Variants in DENND5A observed in about 807,000 individuals in gnomAD.
DENND5A encodes DENN domain-containing protein 5A.
A neutral mutation model predicts 140.3 loss-of-function variants in DENND5A; 64 were observed. That is an observed-to-expected ratio of 0.46 (90% CI 0.37 to 0.56). The LOEUF is 0.56. Among genes scored for constraint, DENND5A ranks in the 20% least tolerant of loss-of-function variants. The probability of loss-of-function intolerance (pLI) is 0.00; values close to 1 mark genes in which losing one functional copy is unlikely to be tolerated. For missense variants in DENND5A, 1,292 were observed against 1,593.8 expected, an observed-to-expected ratio of 0.81 and a Z score of 3.22; for synonymous variants, 605 against 607.7, an observed-to-expected ratio of 1.00 and a Z score of 0.07.
intron 16 of DENND5A, 143 bp from the exon 17 acceptor site, chr11:9,145,958 C>A: frequency 1.2e-6 from 1 of 861,228 alleles, no homozygotes; most frequent in Admixed American, 2.3e-5. Flanking sequence ...ACAAGAGGGC[C>A]CCAGGACCTA....
intron 1 of DENND5A, among the ~76,000 whole-genome samples, chr11:9,231,839 A>G (rs988134900): frequency 1.3e-5 from 2 of 150,686 alleles, no homozygotes; most frequent in African/African-American, 4.9e-5. Context: ...TTTTTAACAG[A>G]CTTTCCTAAC....
At chr11:9,200,688 A>G (rs1849492167) in intron 4 of DENND5A, among the ~76,000 whole-genome samples, 2 of 152,200 alleles carry the variant, frequency 1.3e-5, no homozygotes, top group Non-Finnish European at 2.9e-5. Flanking sequence ...CCTTCAAACT[A>G]TATCCAGAAC....
In DENND5A at chr11:9,181,083, GC is replaced by G; in HGVS notation, c.1138del (p.Ala380LeufsTer56). ...DRSKLELPQEANLCFVDIDNH... is the reference protein window; with the variant it reads ...DRSKLELPQEXNLCFVDIDNH... ...GTCAATGTCCACAAAGCAGAGGTTA[GC>G]CTGGAAGTCAAAACAGGATGAGGAG... On this transcript the variant is annotated frameshift_variant and splice_region_variant, in exon 6 of 23. Coordinates refer to ENST00000328194, the MANE Select transcript of DENND5A (RefSeq NM_015213.4). LOFTEE classifies it high-confidence loss of function. 1 of 1,611,352 alleles carries G rather than the reference GC, an allele frequency of 6.2e-7. No homozygotes were observed. Among genetic ancestry groups the G allele is most frequent in the Non-Finnish European group, 8.5e-7 (1 of 1,178,296 alleles).
chr11:9,226,271 T>C (rs1850525742), intron 1 of DENND5A, among the ~76,000 whole-genome samples: 1 of 152,226 alleles, frequency 6.6e-6, no homozygotes, highest in Admixed American at 6.5e-5. Flanking sequence ...CAAAGGTTAT[T>C]GACATCTACT....
At chr11:9,254,081 G>A (rs1332076312) in intron 1 of DENND5A, among the ~76,000 whole-genome samples, 2 of 150,860 alleles carry the variant, frequency 1.3e-5, no homozygotes, top group African/African-American at 2.4e-5. Flanking sequence ...GCTTGAACCC[G>A]GGAGGCAGAG....
At position 9,145,726 on chromosome 11, in the gene DENND5A, A is replaced by G. The variant is rs183825232; in HGVS notation, c.2947T>C (p.Leu983=). The G allele has an allele frequency of 2.6e-5, 42 of 1,614,166 alleles. No homozygotes were observed. Among genetic ancestry groups the G allele is most frequent in the Admixed American group, 2.0e-4 (12 of 60,024 alleles). ...ATCTGCATGATCTGTGTCTCACCCA[A>G]TTCTCCTGATATACAGATCCATGGG... ...ANPWICISGE[L]GETQIMQIPR... The change falls in exon 17 of 23, where the codon TTG becomes CTG. Residue 983 remains leucine (L), a synonymous_variant. Coordinates refer to ENST00000328194, the MANE Select transcript of DENND5A (RefSeq NM_015213.4).
In DENND5A at chr11:9,169,943, C is replaced by G; in HGVS notation, c.2064G>C (p.Thr688=). 6.2e-7 allele frequency: 1 copy of G among 1,611,950 alleles called. No individual in the cohort carries two copies. Among genetic ancestry groups the G allele is most frequent in the Non-Finnish European group, 8.5e-7 (1 of 1,178,106 alleles). The change falls in exon 10 of 23, where the codon ACG becomes ACC. Residue 688 remains threonine, a synonymous_variant. Transcript: ENST00000328194. The part of the protein sequence containing the change: ...LSTGPASNKW[T]KRNAPAQWRR... ...TCCACTGGGCAGGGGCATTCCTTTT[C>G]GTCCACCTAACACAATCAGAACCAA...
At chr11:9,206,594 G>A (rs1180822995) in intron 3 of DENND5A, 79 bp downstream of exon 3, 5 of 1,029,588 alleles carry the variant, frequency 4.9e-6, no homozygotes, top group Non-Finnish European at 7.6e-6. Context: ...TGGCACCACT[G>A]CTACCACAGC....
In DENND5A at chr11:9,139,283, T is replaced by A. The variant is rs1156813715; in HGVS notation, c.*388A>T. The A allele has an allele frequency of 5.5e-6, 1 of 180,196 alleles. No individual in the cohort carries two copies. The highest frequency in any genetic ancestry group is 1.2e-5 in the Non-Finnish European group (1 of 84,878). 11.2% of individuals were successfully genotyped at this position (180,196 alleles called of 1,614,324 possible). On this transcript the variant is annotated 3_prime_UTR_variant, in exon 23 of 23. Coordinates refer to ENST00000328194, the MANE Select transcript of DENND5A (RefSeq NM_015213.4). ...ATAATAATGTTAATATAGAAAAACATTAGTTTAAAAATGATGTGGAAGGGC... is the reference window on the plus strand; with the variant it reads ...ATAATAATGTTAATATAGAAAAACAATAGTTTAAAAATGATGTGGAAGGGC...
At chr11:9,219,599 A>C (rs976292829) in intron 1 of DENND5A, among the ~76,000 whole-genome samples, 6 of 152,262 alleles carry the variant, frequency 3.9e-5, no homozygotes, top group African/African-American at 1.4e-4. Context: ...GGATGGAGGA[A>C]ACTGGAGCCA....
rs533706453 is a variant in DENND5A at position 9,148,138 on chromosome 11, T to G, written c.2736-987A>C. 3.3e-3 allele frequency among the ~76,000 whole-genome samples: 496 copies of G among 152,294 alleles called. 2 individuals carry two copies. Among genetic ancestry groups the G allele is most frequent in the South Asian group, 7.7e-3 (37 of 4,830 alleles). ...CACAATGAATAATCAAACAAAAGGC[T>G]GTTTCTGGGAATTTAAAGAGCCATA... On this transcript the variant is annotated intron_variant, in intron 15 of 22. Coordinates refer to ENST00000328194, the MANE Select transcript of DENND5A (RefSeq NM_015213.4).
At chr11:9,219,275 G>A (rs2031712987) in intron 1 of DENND5A, among the ~76,000 whole-genome samples, 1 of 152,060 alleles carries the variant, frequency 6.6e-6, no homozygotes, top group Non-Finnish European at 1.5e-5. Flanking sequence ...TGTAATTTCA[G>A]AATGCCAGGG....
At chr11:9,168,656 G>A (rs1002914359) in intron 10 of DENND5A, among the ~76,000 whole-genome samples, 8 of 151,884 alleles carry the variant, frequency 5.3e-5, no homozygotes, top group African/African-American at 1.9e-4. Context: ...CAGTGCAACT[G>A]TATCCTATAA....
chr11:9,144,467 G>A (rs537488050), intron 18 of DENND5A, among the ~76,000 whole-genome samples, 189 bp from the exon 19 acceptor site: 13 of 152,280 alleles, frequency 8.5e-5, no homozygotes, highest in African/African-American at 2.4e-4. Context: ...TGGGATCTGG[G>A]CACAGCAATT....
chr11:9,195,319 G>A (rs949367818), intron 4 of DENND5A, among the ~76,000 whole-genome samples: 3 of 149,972 alleles, frequency 2.0e-5, no homozygotes, highest in African/African-American at 4.9e-5. Context: ...CAGGTGATCC[G>A]CCTGCCTCGG....
rs1456404858 is a variant in DENND5A at position 9,203,977 on chromosome 11, G to A, written c.632C>T (p.Thr211Ile). The A allele has an allele frequency of 6.2e-7, 1 of 1,614,168 alleles. No individual in the cohort carries two copies. Among genetic ancestry groups the A allele is most frequent in the Non-Finnish European group, 8.5e-7 (1 of 1,180,030 alleles). ...ACATGCCTTCATGAAAGACATGGGT[G>A]TGATGAGGCAGATGCACTTAGAGAC... is the stretch of plus-strand genomic sequence containing the variant. ...LYVSKCICLI[T>I]PMSFMKACRS... Residue 211 changes from threonine to isoleucine, a missense_variant, in exon 4 of 23, where the codon ACA becomes ATA. Around this residue, in one of 4 missense-constraint regions of DENND5A, gnomAD observed 566 missense variants for 650.4 expected, o/e 0.87. Transcript: ENST00000328194.
At chr11:9,221,009 G>A (rs1194351590) in intron 1 of DENND5A, among the ~76,000 whole-genome samples, 1 of 151,520 alleles carries the variant, frequency 6.6e-6, no homozygotes, top group African/African-American at 2.4e-5. Context: ...TTGAGCCCAG[G>A]AGGCAGAGGT....
At chr11:9,156,882 A>T (rs200523742) in intron 12 of DENND5A, among the ~76,000 whole-genome samples, 15,494 of 146,148 alleles carry the variant, frequency 0.11, 890 homozygotes, top group South Asian at 0.17. Flanking sequence ...GAAGGAAGGA[A>T]GGAAGGAAGG....
At chr11:9,241,072 G>A (rs947378378) in intron 1 of DENND5A, among the ~76,000 whole-genome samples, 1 of 152,110 alleles carries the variant, frequency 6.6e-6, no homozygotes, top group African/African-American at 2.4e-5. Context: ...TTCCCCTCAT[G>A]TAATCCTCAC....
Sources: gnomAD v4.1 joint callset for allele counts (sites outside exome capture counted in the v4.1 genomes callset) on GRCh38, gnomAD v4.1.1 for gene constraint, gnomAD v4.1.1 regional missense constraint, MANE v1.5 for transcripts, NCBI Gene and HGNC (gene_info 2026-07-23, HGNC 2026-07-21) for gene names.